The following F11 variants were observed in gnomAD, a reference collection of about 807,000 sequenced individuals.
F11 encodes the protein coagulation factor XI, also known as coagualtion factor XI.
A neutral mutation model predicts 76.5 loss-of-function variants in F11; 78 were observed. The observed-to-expected ratio is 1.02, with a 90% CI of 0.85 to 1.23. The LOEUF is 1.23. Among genes scored for constraint, F11 ranks in the 50% most tolerant of loss-of-function variants. The probability of loss-of-function intolerance (pLI) is 0.00; values close to 1 mark genes in which losing one functional copy is unlikely to be tolerated. For synonymous variants in F11, 278 were observed against 276.3 expected (o/e 1.01, Z -0.06); for missense variants, 742 against 771.4 (o/e 0.96, Z 0.45).
At chr4:186,284,052 A>AAG in intron 10 of F11, 40 bp from the exon 11 acceptor site, 1 of 1,613,892 alleles carries the variant, frequency 6.2e-7, no homozygotes. Context: ...GATGGAAAGG[A>AAG]AGATGTAGGA....
At chr4:186,286,799 C>A in intron 13 of F11, 1 of 804,078 alleles carries the variant, frequency 1.2e-6, no homozygotes, top group Non-Finnish European at 1.5e-6. Flanking sequence ...TATCCAATTA[C>A]TTTCTTGGGA....
In F11 at chr4:186,273,178, G is replaced by A. The variant is rs140190776; in HGVS notation, c.325+1G>A. ...AAGCAATGCTCACACCAAATAAGCGGTAAGATATGTTCTCAGAATCAACAA... is the reference window on the plus strand; with the variant it reads ...AAGCAATGCTCACACCAAATAAGCGATAAGATATGTTCTCAGAATCAACAA... On this transcript the variant is annotated splice_donor_variant, in intron 4 of 14. Transcript: ENST00000403665. LOFTEE classifies it high-confidence loss of function. 92 of 1,607,160 alleles carry A rather than the reference G, an allele frequency of 5.7e-5. No individual in the cohort carries two copies. The highest frequency in any genetic ancestry group is 7.8e-5 in the Non-Finnish European group (91 of 1,173,864).
At chr4:186,269,533 G>T (rs1342026592) in intron 2 of F11, among the ~76,000 whole-genome samples, 1 of 152,228 alleles carries the variant, frequency 6.6e-6, no homozygotes, top group Non-Finnish European at 1.5e-5. Flanking sequence ...CTGATAGGAG[G>T]TACTTAGGGT....
chr4:186,283,068 C>A (rs1740913126), intron 10 of F11: 1 of 978,400 alleles, frequency 1.0e-6, no homozygotes, highest in South Asian at 4.7e-5. Context: ...TAAATGTGAT[C>A]TGGGCACAGC....
In F11 at chr4:186,289,223, C is replaced by T. The variant is rs938214207; in HGVS notation, c.*609C>T. ...AGTGAATGTGAAGATAACAGAATTT[C>T]TGTGTGGAAGAGGATTACAAGCAGC... On this transcript the variant is annotated 3_prime_UTR_variant, in exon 15 of 15. Coordinates refer to ENST00000403665, the MANE Select transcript of F11 (RefSeq NM_000128.4). 6.6e-6 allele frequency among the ~76,000 whole-genome samples: 1 copy of T among 152,108 alleles called. No individual in the cohort carries two copies. Among genetic ancestry groups the T allele is most frequent in the Admixed American group, 6.5e-5 (1 of 15,280 alleles).
chr4:186,280,600 A>G lies in F11; in HGVS notation c.1135+20A>G, dbSNP rs1285391533. ...ATAATGGTGAGTATAATGTCACTTG[A>G]AAAAATATAGCTGAAGGAATTATTC... On this transcript the variant is annotated intron_variant, in intron 10 of 14. Coordinates refer to ENST00000403665, the MANE Select transcript of F11 (RefSeq NM_000128.4). 2 of 1,548,196 alleles carry G rather than the reference A, an allele frequency of 1.3e-6. No individual in the cohort carries two copies. Among genetic ancestry groups the G allele is most frequent in the Admixed American group, 1.7e-5 (1 of 59,860 alleles).
intron 11 of F11, 94 bp from the exon 12 acceptor site, chr4:186,285,544 A>G: frequency 7.7e-7 from 1 of 1,302,138 alleles, no homozygotes; most frequent in Non-Finnish European, 1.1e-6. Context: ...TTGGCAGAAA[A>G]TATTAGTAAT....
intron 11 of F11, 147 bp from the exon 12 acceptor site, chr4:186,285,491 A>T (rs879724742): frequency 7.4e-6 from 6 of 808,242 alleles, no homozygotes; most frequent in African/African-American, 1.7e-5. Flanking sequence ...TATCCCGAAA[A>T]ATCTTAGGAT....
chr4:186,272,239 A>G (rs572433455), intron 3 of F11, among the ~76,000 whole-genome samples: 1 of 152,336 alleles, frequency 6.6e-6, no homozygotes, highest in Non-Finnish European at 1.5e-5. Flanking sequence ...AATATACAAT[A>G]TACAATACCT....
chr4:186,278,264 T>G (rs1410015078), intron 7 of F11, among the ~76,000 whole-genome samples: 1 of 152,202 alleles, frequency 6.6e-6, no homozygotes, highest in East Asian at 1.9e-4. Context: ...TCCAGACAAC[T>G]CAGCCAAGGG....
chr4:186,279,212 T>C (rs944279621), intron 7 of F11, among the ~76,000 whole-genome samples: 17 of 152,176 alleles, frequency 1.1e-4, no homozygotes, highest in African/African-American at 3.6e-4. Context: ...TGAAACCCCG[T>C]CTCTACTAAA....
chr4:186,276,173 C>T (rs1740360083), intron 6 of F11, 58 bp from the exon 7 acceptor site: 6 of 1,604,488 alleles, frequency 3.7e-6, no homozygotes, highest in Non-Finnish European at 4.3e-6. Context: ...ATACTGTGAC[C>T]GGAATTTTCC....
chr4:186,286,588 C>G, intron 13 of F11, 78 bp downstream of exon 13: 1 of 1,596,320 alleles, frequency 6.3e-7, no homozygotes, highest in Non-Finnish European at 8.5e-7. Context: ...AGTCATGTAG[C>G]TGAAGCACAA....
intron 2 of F11, among the ~76,000 whole-genome samples, chr4:186,271,062 G>T (rs1049146424): frequency 6.6e-6 from 1 of 152,068 alleles, no homozygotes; most frequent in African/African-American, 2.4e-5. Context: ...CTTCTTAAAA[G>T]TACTATTTTA....
chr4:186,273,438 C>A (rs1740133266), intron 4 of F11, among the ~76,000 whole-genome samples: 1 of 152,142 alleles, frequency 6.6e-6, no homozygotes, highest in South Asian at 2.1e-4. Flanking sequence ...TATTTCCCAG[C>A]CTAAAATCTT....
rs2126794152 is a variant in F11, at chr4:186,289,510, G to C, written c.*896G>C. Among the ~76,000 whole-genome samples, 1 of 152,278 alleles carries C rather than the reference G, an allele frequency of 6.6e-6. No homozygotes were observed. The highest frequency in any genetic ancestry group is 2.4e-5 in the African/African-American group (1 of 41,564). On this transcript the variant is annotated 3_prime_UTR_variant, in exon 15 of 15. Transcript: ENST00000403665. ...AAAACAATTAGGGCGCAAATGGATAGTTACAGTAAAGTCTTCAGCAAGCAG... is the reference window on the plus strand; with the variant it reads ...AAAACAATTAGGGCGCAAATGGATACTTACAGTAAAGTCTTCAGCAAGCAG...
At chr4:186,286,814 A>C in intron 13 of F11, 1 of 669,054 alleles carries the variant, frequency 1.5e-6, no homozygotes, top group Non-Finnish European at 1.8e-6. Flanking sequence ...TTGGGAAGTC[A>C]TTCCAGTTAG....
intron 7 of F11, among the ~76,000 whole-genome samples, chr4:186,278,680 G>C (rs767117402): frequency 1.8e-4 from 27 of 152,212 alleles, no homozygotes; most frequent in Non-Finnish European, 3.7e-4. Flanking sequence ...GCAAGCAGCA[G>C]AGTGTAGGAG....
chr4:186,267,197 T>G lies in F11; in HGVS notation c.55+6T>G, dbSNP rs1739571881. On this transcript the variant is annotated splice_donor_region_variant and intron_variant, in intron 2 of 14. Transcript: ENST00000403665. ...ATTTACTTCAGTTTCTGGTGGTAAGTAGAGTGTTATCTTAACTATGGGCTG... is the reference window on the plus strand; with the variant it reads ...ATTTACTTCAGTTTCTGGTGGTAAGGAGAGTGTTATCTTAACTATGGGCTG... 3 of 1,524,016 alleles carry G rather than the reference T, an allele frequency of 2.0e-6. No homozygotes were observed. Among genetic ancestry groups the G allele is most frequent in the Non-Finnish European group, 2.7e-6 (3 of 1,097,772 alleles). The allele number at this position is 1,524,016 out of a possible 1,614,324, so 94.4% of individuals were successfully genotyped here.
Sources: gnomAD v4.1 joint callset for allele counts (sites outside exome capture counted in the v4.1 genomes callset) on GRCh38, gnomAD v4.1.1 for gene constraint, MANE v1.5 for transcripts, NCBI Gene and HGNC (gene_info 2026-07-23, HGNC 2026-07-21) for gene names.